RTN1: variants seen among roughly 807,000 people sequenced by gnomAD.
RTN1 encodes reticulon 1.
In RTN1, 25 loss-of-function variants were observed where a neutral mutation model predicts 65.5. The observed-to-expected ratio is 0.38, with a 90% CI of 0.28 to 0.53. The LOEUF (loss-of-function observed/expected upper bound fraction) is 0.53. Ranked by LOEUF, RTN1 falls within the 20% of genes least tolerant of loss-of-function variation. The pLI is 0.79. For synonymous variants in RTN1, 471 were observed against 447.6 expected, an observed-to-expected ratio of 1.05 and a Z score of -0.66; for missense variants, 983 against 1,025.4, an observed-to-expected ratio of 0.96 and a Z score of 0.57.
chr14:59,668,475 T>C (rs530258817), intron 3 of RTN1, among the ~76,000 whole-genome samples: 1 of 152,278 alleles, frequency 6.6e-6, no homozygotes, highest in African/African-American at 2.4e-5. Context: ...AAGACTGAAA[T>C]GTTAGTCCTA....
chr14:59,608,718 G>A (rs565191326), intron 3 of RTN1, among the ~76,000 whole-genome samples: 1 of 152,208 alleles, frequency 6.6e-6, no homozygotes, highest in Admixed American at 6.5e-5. Flanking sequence ...TGGTCCATCA[G>A]GGACATTAAC....
intron 1 of RTN1, among the ~76,000 whole-genome samples, chr14:59,792,617 C>T (rs909212034): frequency 1.3e-5 from 2 of 152,090 alleles, no homozygotes; most frequent in Non-Finnish European, 2.9e-5. Flanking sequence ...GAGTCAAAAT[C>T]GTCCATTTCT....
chr14:59,598,739 A>G (rs1241091090), intron 8 of RTN1, among the ~76,000 whole-genome samples: 1 of 152,162 alleles, frequency 6.6e-6, no homozygotes, highest in African/African-American at 2.4e-5. Flanking sequence ...AACTTCTAAA[A>G]TTTCCATTCA....
At chr14:59,679,289 T>C (rs1324108022) in intron 3 of RTN1, among the ~76,000 whole-genome samples, 3 of 152,206 alleles carry the variant, frequency 2.0e-5, no homozygotes, top group Non-Finnish European at 4.4e-5. Flanking sequence ...CTCTGCTAAA[T>C]TGAGTTATCT....
intron 2 of RTN1, among the ~76,000 whole-genome samples, chr14:59,733,963 C>T (rs892792038): frequency 1.3e-5 from 2 of 152,216 alleles, no homozygotes; most frequent in Admixed American, 6.5e-5. Flanking sequence ...TCTCCAGCCA[C>T]CACCTACAGG....
intron 1 of RTN1, among the ~76,000 whole-genome samples, chr14:59,844,252 G>A (rs1036435734): frequency 2.0e-5 from 3 of 152,162 alleles, no homozygotes; most frequent in Non-Finnish European, 2.9e-5. Flanking sequence ...ACTAAGAAGC[G>A]GCACCTTAAA....
intron 2 of RTN1, among the ~76,000 whole-genome samples, chr14:59,733,122 C>T (rs925717498): frequency 1.3e-4 from 20 of 150,960 alleles, no homozygotes; most frequent in African/African-American, 3.4e-4. Flanking sequence ...GGCAGAGTCT[C>T]GCTTTGCCGC....
intron 1 of RTN1, among the ~76,000 whole-genome samples, chr14:59,819,952 G>A (rs1886910123): frequency 6.6e-6 from 1 of 152,186 alleles, no homozygotes; most frequent in Admixed American, 6.5e-5. Context: ...CAAGCAGAGG[G>A]AGCCGGCTCT....
chr14:59,599,618 A>G (rs1881516843), intron 8 of RTN1, among the ~76,000 whole-genome samples: 1 of 152,188 alleles, frequency 6.6e-6, no homozygotes, highest in African/African-American at 2.4e-5. Flanking sequence ...AAGGACACCA[A>G]GAAGACTTGC....
chr14:59,862,381 C>T (rs1280846805), intron 1 of RTN1, among the ~76,000 whole-genome samples: 1 of 152,160 alleles, frequency 6.6e-6, no homozygotes, highest in East Asian at 1.9e-4. Context: ...TTCTTCTGGA[C>T]TCCTCCAATG....
In RTN1 at chr14:59,745,957, C is replaced by T. The variant is rs866220256; in HGVS notation, c.766G>A (p.Glu256Lys). ...ATGTATGGAGCAAATGTGGATTCTT[C>T]CAATAAATGGTCCTTGATGATTTTT... ...EGKIIKDHLL[E>K]ESTFAPYIDD... is the part of the protein sequence containing the mutation. The change falls in exon 2 of 9, where the codon GAA (glutamate) becomes AAA (lysine). Residue 256 changes from glutamate to lysine, a missense_variant. Glu to Lys is a moderately conservative substitution (Grantham distance 56). Transcript: ENST00000267484. 10 of 1,614,056 alleles carry T rather than the reference C, an allele frequency of 6.2e-6. No individual in the cohort carries two copies. The highest frequency in any genetic ancestry group is 1.1e-5 in the South Asian group (1 of 91,074).
intron 3 of RTN1, among the ~76,000 whole-genome samples, chr14:59,704,546 C>T (rs995548241): frequency 6.6e-6 from 1 of 152,192 alleles, no homozygotes; most frequent in African/African-American, 2.4e-5. Flanking sequence ...AGAACCTACA[C>T]ACTAGTCCAC....
At chr14:59,831,777 T>A (rs757045073) in intron 1 of RTN1, among the ~76,000 whole-genome samples, 1 of 151,776 alleles carries the variant, frequency 6.6e-6, no homozygotes, top group Non-Finnish European at 1.5e-5. Context: ...TATATATACA[T>A]CCTATTGGTT....
At chr14:59,815,820 A>G (rs1464169940) in intron 1 of RTN1, among the ~76,000 whole-genome samples, 3 of 151,952 alleles carry the variant, frequency 2.0e-5, no homozygotes, top group Non-Finnish European at 4.4e-5. Flanking sequence ...TCTCCTTCCC[A>G]TATTACTGAT....
chr14:59,839,782 TTCTC>T (rs1431172294), intron 1 of RTN1, among the ~76,000 whole-genome samples: 2 of 151,760 alleles, frequency 1.3e-5, no homozygotes, highest in African/African-American at 4.8e-5. Context: ...GTGTTTTTTT[TTCTC>T]TCTCTAATAT....
At chr14:59,615,827 T>C (rs1594633427) in intron 3 of RTN1, among the ~76,000 whole-genome samples, 2 of 152,222 alleles carry the variant, frequency 1.3e-5, no homozygotes, top group African/African-American at 4.8e-5. Context: ...GATAGATTTA[T>C]TTGGCCTCAT....
chr14:59,806,833 T>C (rs1886648073), intron 1 of RTN1, among the ~76,000 whole-genome samples: 1 of 152,240 alleles, frequency 6.6e-6, no homozygotes, highest in South Asian at 2.1e-4. Context: ...TTCCATGGTG[T>C]ATATGTACTT....
intron 1 of RTN1, among the ~76,000 whole-genome samples, chr14:59,860,477 TGC>T (rs1427658462): frequency 6.6e-6 from 1 of 152,194 alleles, no homozygotes; most frequent in African/African-American, 2.4e-5. Context: ...GCTAGGGCAG[TGC>T]AAAAGAGAAA....
intron 2 of RTN1, among the ~76,000 whole-genome samples, chr14:59,738,768 T>C (rs572175937): frequency 6.6e-6 from 1 of 152,270 alleles, no homozygotes; most frequent in Non-Finnish European, 1.5e-5. Flanking sequence ...TCATCAATGA[T>C]AGACTGGATA....
Sources: allele counts gnomAD v4.1 joint callset (sites outside exome capture counted in the v4.1 genomes callset), GRCh38; gene constraint gnomAD v4.1.1; transcripts MANE v1.5; gene names NCBI Gene and HGNC (gene_info 2026-07-23, HGNC 2026-07-21).